MDFIC2: variants seen among roughly 807,000 people sequenced by gnomAD.
MDFIC2 encodes the protein myoD family inhibitor domain-containing protein 2.
chr3:70,306,298 A>G (rs1337522109), intron 2 of MDFIC2, among the ~76,000 whole-genome samples: 1 of 152,124 alleles, frequency 6.6e-6, no homozygotes, highest in Non-Finnish European at 1.5e-5. Context: ...TTTTTAGTAA[A>G]GACGGGGTTT....
chr3:70,299,977 C>A (rs558246665), intron 2 of MDFIC2, among the ~76,000 whole-genome samples: 1 of 152,134 alleles, frequency 6.6e-6, no homozygotes, highest in African/African-American at 2.4e-5. Context: ...AAGAACATAC[C>A]CCAGACTTTT....
chr3:70,263,452 C>T (rs1701886883), intron 2 of MDFIC2, among the ~76,000 whole-genome samples: 1 of 152,084 alleles, frequency 6.6e-6, no homozygotes, highest in African/African-American at 2.4e-5. Flanking sequence ...GCAGTTGTGA[C>T]CCTGAATGCT....
At position 70,241,814 on chromosome 3, in the gene MDFIC2, G is replaced by A. The variant is rs535182194; in HGVS notation, c.89-35024C>T. 2.6e-5 allele frequency among the ~76,000 whole-genome samples: 4 copies of A among 152,224 alleles called. No homozygotes were observed. In the East Asian group the frequency reaches 7.7e-4, roughly 29 times the overall value. ...AAATATTATACCTATTTTACAAATG[G>A]AGAAACTGAAACTCTGATGAAGTGA... On this transcript the variant is annotated intron_variant, in intron 2 of 3. Transcript: ENST00000567252.
rs6549324 is a variant in MDFIC2 at position 70,275,064 on chromosome 3, A to T, written c.88+36822T>A. On this transcript the variant is annotated intron_variant, in intron 2 of 3. Transcript: ENST00000567252. Reference sequence around the variant, plus strand: ...GGAAACTACCTCTTCAGGTGATATAAGCCTGCAGCTGTTATTTATAACCTC... The same window carrying T: ...GGAAACTACCTCTTCAGGTGATATATGCCTGCAGCTGTTATTTATAACCTC... Among the ~76,000 whole-genome samples the T allele has an allele frequency of 5.9e-5, 9 of 151,978 alleles. No individual in the cohort carries two copies. The South Asian group carries it at 8.3e-4, about 14-fold the overall frequency.
In MDFIC2 at chr3:70,304,699, C is replaced by G. The variant is rs183441588; in HGVS notation, c.88+7187G>C. Among the ~76,000 whole-genome samples the G allele has an allele frequency of 3.8e-4, 58 of 152,304 alleles. 1 individual carries two copies. The highest frequency in any genetic ancestry group is 3.7e-3 in the Admixed American group (56 of 15,294). On this transcript the variant is annotated intron_variant, in intron 2 of 3. Transcript: ENST00000567252. ...CAGTTACCATCTTTTGCATGGCCAA[C>G]AGCAATACTCTCCTACTTTATTTCT...
intron 2 of MDFIC2, among the ~76,000 whole-genome samples, chr3:70,244,730 C>T (rs972195659): frequency 6.6e-6 from 1 of 152,152 alleles, no homozygotes; most frequent in Non-Finnish European, 1.5e-5. Context: ...TCATTATGCT[C>T]TTATGAATAA....
intron 3 of MDFIC2, among the ~76,000 whole-genome samples, chr3:70,204,321 T>G (rs1319546359): frequency 6.6e-6 from 1 of 152,170 alleles, no homozygotes; most frequent in Non-Finnish European, 1.5e-5. Context: ...TCTCAATTTC[T>G]GCATCCTTAA....
At chr3:70,262,682 C>T (rs1257659748) in intron 2 of MDFIC2, among the ~76,000 whole-genome samples, 2 of 152,222 alleles carry the variant, frequency 1.3e-5, no homozygotes, top group East Asian at 1.9e-4. Flanking sequence ...ACAGGGTTGG[C>T]GCATGCACCA....
chr3:70,226,249 T>C (rs2106740628), intron 2 of MDFIC2, among the ~76,000 whole-genome samples: 1 of 152,274 alleles, frequency 6.6e-6, no homozygotes, highest in Admixed American at 6.5e-5. Flanking sequence ...CAAAGATGAG[T>C]AAGACCTGGC....
At chr3:70,252,283 G>A (rs138804375) in intron 2 of MDFIC2, among the ~76,000 whole-genome samples, 8 of 152,182 alleles carry the variant, frequency 5.3e-5, no homozygotes, top group South Asian at 2.1e-4. Context: ...TATATGTATC[G>A]TATGCTGTGA....
At chr3:70,292,649 C>T (rs1354823209) in intron 2 of MDFIC2, among the ~76,000 whole-genome samples, 1 of 152,002 alleles carries the variant, frequency 6.6e-6, no homozygotes, top group African/African-American at 2.4e-5. Flanking sequence ...TTTAAACTCC[C>T]TAATGATTGA....
At chr3:70,279,366 A>G (rs1290501059) in intron 2 of MDFIC2, among the ~76,000 whole-genome samples, 1 of 152,074 alleles carries the variant, frequency 6.6e-6, no homozygotes, top group Non-Finnish European at 1.5e-5. Flanking sequence ...TTCGATTCCA[A>G]TGGTCATTTG....
At chr3:70,254,378 T>C (rs918164304) in intron 2 of MDFIC2, among the ~76,000 whole-genome samples, 6 of 152,194 alleles carry the variant, frequency 3.9e-5, no homozygotes, top group African/African-American at 1.4e-4. Context: ...ATTATTTTGT[T>C]TTGTACAAGT....
rs545571383 is a variant in MDFIC2 at position 70,289,723 on chromosome 3, A to T, written c.88+22163T>A. ...AATCAGACCTAGATTTGGTCTTTTC[A>T]CATAGTCCCATATTTCTTGGAGGGT... On this transcript the variant is annotated intron_variant, in intron 2 of 3. Coordinates refer to ENST00000567252, the MANE Select transcript of MDFIC2 (RefSeq NM_001364677.1). Among the ~76,000 whole-genome samples, 3 of 152,124 alleles carry T rather than the reference A, an allele frequency of 2.0e-5. No individual in the cohort carries two copies. The South Asian group carries it at 6.2e-4, about 32-fold the overall frequency.
intron 2 of MDFIC2, among the ~76,000 whole-genome samples, chr3:70,244,434 T>A (rs1404578304): frequency 1.3e-5 from 2 of 152,190 alleles, no homozygotes; most frequent in African/African-American, 4.8e-5. Flanking sequence ...TCAATTAAAA[T>A]AACATGTAAA....
At chr3:70,307,374 G>A (rs1271083063) in intron 2 of MDFIC2, among the ~76,000 whole-genome samples, 1 of 152,036 alleles carries the variant, frequency 6.6e-6, no homozygotes, top group Admixed American at 6.6e-5. Flanking sequence ...ACAATTTAAG[G>A]GCTTCCATCC....
intron 3 of MDFIC2, among the ~76,000 whole-genome samples, chr3:70,200,969 G>T (rs2106719957): frequency 6.6e-6 from 1 of 151,634 alleles, no homozygotes; most frequent in South Asian, 2.1e-4. Flanking sequence ...TTTTTGGGGT[G>T]GGGGTGGGTG....
intron 2 of MDFIC2, among the ~76,000 whole-genome samples, chr3:70,268,897 A>G (rs1701948506): frequency 1.3e-5 from 2 of 152,308 alleles, no homozygotes; most frequent in African/African-American, 4.8e-5. Context: ...TGGAGCACAT[A>G]TTATGTATGG....
At chr3:70,271,532 G>A (rs910223592) in intron 2 of MDFIC2, among the ~76,000 whole-genome samples, 2 of 152,066 alleles carry the variant, frequency 1.3e-5, no homozygotes, top group African/African-American at 4.8e-5. Flanking sequence ...ACATCACCCT[G>A]GCCTTGCAAA....
Sources: allele counts gnomAD v4.1 joint callset (sites outside exome capture counted in the v4.1 genomes callset), GRCh38; gene constraint gnomAD v4.1.1; transcripts MANE v1.5; gene names NCBI Gene and HGNC (gene_info 2026-07-23, HGNC 2026-07-21).